Variants in CNTNAP2 observed in about 807,000 individuals in gnomAD.
The protein encoded by CNTNAP2 is contactin-associated protein-like 2.
A neutral mutation model predicts 155.2 loss-of-function variants in CNTNAP2; 98 were observed. The observed-to-expected ratio is 0.63, with a 90% CI of 0.54 to 0.75. The LOEUF is 0.75. Among genes scored for constraint, CNTNAP2 ranks in the 30% least tolerant of loss-of-function variants. The pLI is 0.00. For missense variants in CNTNAP2, 1,727 were observed against 1,688.1 expected (o/e 1.02, Z -0.40); for synonymous variants, 651 against 631.2 (o/e 1.03, Z -0.47).
intron 1 of CNTNAP2, among the ~76,000 whole-genome samples, chr7:146,663,176 G>C (rs148646087): frequency 1.3e-3 from 193 of 151,354 alleles, no homozygotes; most frequent in African/African-American, 4.3e-3. Flanking sequence ...TACTTGGGTG[G>C]CTGAGGCAGG....
At chr7:147,727,025 G>GTATA (rs148335807) in intron 13 of CNTNAP2, among the ~76,000 whole-genome samples, 10,990 of 149,892 alleles carry the variant, frequency 0.073, 1,284 homozygotes, top group African/African-American at 0.25. Context: ...GTATATGTGT[G>GTATA]TATATATATA....
At chr7:146,786,329 C>T (rs867936454) in intron 2 of CNTNAP2, among the ~76,000 whole-genome samples, 45 of 152,210 alleles carry the variant, frequency 3.0e-4, no homozygotes, top group Middle Eastern at 3.4e-3. Context: ...TGTTAGCAAC[C>T]GGCTCAGGTC....
chr7:147,324,178 C>G (rs1282823736), intron 9 of CNTNAP2, among the ~76,000 whole-genome samples: 1 of 152,084 alleles, frequency 6.6e-6, no homozygotes, highest in Non-Finnish European at 1.5e-5. Context: ...AGGTGAACAA[C>G]TAGATCACAA....
intron 14 of CNTNAP2, among the ~76,000 whole-genome samples, chr7:147,922,557 T>A (rs1800302358): frequency 6.6e-6 from 1 of 152,202 alleles, no homozygotes. Context: ...AAGCTTAGAT[T>A]TTTTTCTAGT....
Position 146,955,992 on chromosome 7 carries a change from CG to C in CNTNAP2, c.403-87914del, listed in dbSNP as rs539590314. On this transcript the variant is annotated intron_variant, in intron 3 of 23. Coordinates refer to ENST00000361727, the MANE Select transcript of CNTNAP2 (RefSeq NM_014141.6). The stretch of plus-strand genomic sequence containing the variant: ...TTTTTATCCTTTCTTATTATGTATA[CG>C]TTTTTTTTCATTAATAGTGTTCCCC... Among the ~76,000 whole-genome samples the C allele has an allele frequency of 1.9e-3, 285 of 151,904 alleles. 1 individual carries two copies. Among genetic ancestry groups the C allele is most frequent in the African/African-American group, 6.2e-3 (259 of 41,468 alleles).
intron 1 of CNTNAP2, among the ~76,000 whole-genome samples, chr7:146,177,394 A>C (rs1584788302): frequency 6.6e-6 from 1 of 152,304 alleles, no homozygotes; most frequent in Middle Eastern, 3.4e-3. Context: ...ACAACAGACT[A>C]TTATCAGCTT....
intron 1 of CNTNAP2, among the ~76,000 whole-genome samples, chr7:146,759,203 T>C (rs1003102107): frequency 6.6e-6 from 1 of 152,180 alleles, no homozygotes; most frequent in Admixed American, 6.5e-5. Flanking sequence ...TAGAAATCAA[T>C]GCAACATATT....
chr7:146,904,760 C>G (rs147783596), intron 3 of CNTNAP2, among the ~76,000 whole-genome samples: 1 of 152,154 alleles, frequency 6.6e-6, no homozygotes, highest in Non-Finnish European at 1.5e-5. Flanking sequence ...CGTGAGCCAC[C>G]GCGTCCGGCC....
intron 1 of CNTNAP2, among the ~76,000 whole-genome samples, chr7:146,428,747 A>G (rs1796130737): frequency 1.3e-5 from 2 of 151,846 alleles, no homozygotes; most frequent in South Asian, 4.1e-4. Flanking sequence ...GAAGCTCTTT[A>G]GCTTAATTAG....
chr7:146,434,909 C>T (rs919338244), intron 1 of CNTNAP2, among the ~76,000 whole-genome samples: 2 of 152,070 alleles, frequency 1.3e-5, no homozygotes, highest in African/African-American at 2.4e-5. Flanking sequence ...CATTCAGGGC[C>T]GCTCTGCAGG....
Position 146,571,952 on chromosome 7 carries a change from C to T in CNTNAP2, c.98-202319C>T, listed in dbSNP as rs1317678492. Among the ~76,000 whole-genome samples the T allele has an allele frequency of 2.0e-5, 3 of 152,162 alleles. No individual in the cohort carries two copies. In the East Asian group the frequency reaches 5.8e-4, roughly 29 times the overall value. On this transcript the variant is annotated intron_variant, in intron 1 of 23. Coordinates refer to ENST00000361727, the MANE Select transcript of CNTNAP2 (RefSeq NM_014141.6). ...TTCACCGTTTTGGCCATCCCGACCT[C>T]AGATGATCCCCCCACCTCGGCCTCC...
intron 13 of CNTNAP2, among the ~76,000 whole-genome samples, chr7:147,893,679 C>T (rs1799729040): frequency 6.6e-6 from 1 of 152,186 alleles, no homozygotes; most frequent in African/African-American, 2.4e-5. Flanking sequence ...CTTCCCTATA[C>T]TTACCTCCCA....
intron 13 of CNTNAP2, among the ~76,000 whole-genome samples, chr7:147,675,384 T>C (rs1295265680): frequency 1.3e-5 from 2 of 152,074 alleles, no homozygotes; most frequent in Non-Finnish European, 2.9e-5. Flanking sequence ...CTAAGGTATA[T>C]TAGTCAGGGT....
intron 12 of CNTNAP2, among the ~76,000 whole-genome samples, chr7:147,567,252 G>C (rs970842229): frequency 3.4e-4 from 52 of 152,288 alleles, no homozygotes; most frequent in Middle Eastern, 3.4e-3. Context: ...TGAGCTGAGT[G>C]TTGAAGAACA....
chr7:146,940,432 A>T (rs938536814), intron 3 of CNTNAP2, among the ~76,000 whole-genome samples: 3 of 152,026 alleles, frequency 2.0e-5, no homozygotes, highest in East Asian at 3.9e-4. Context: ...TGACCTCGTG[A>T]TCTGCCTGCC....
intron 10 of CNTNAP2, among the ~76,000 whole-genome samples, chr7:147,434,574 A>G (rs1473981912): frequency 6.6e-6 from 1 of 152,228 alleles, no homozygotes; most frequent in Non-Finnish European, 1.5e-5. Flanking sequence ...TTAATTGTAT[A>G]TGGACTTTAA....
chr7:147,663,242 C>T lies in CNTNAP2; in HGVS notation c.2098+23936C>T, dbSNP rs542207435. 6.1e-4 allele frequency among the ~76,000 whole-genome samples: 93 copies of T among 152,312 alleles called. 3 individuals are homozygous for T. The South Asian group carries it at 0.017, about 29-fold the overall frequency. On this transcript the variant is annotated intron_variant, in intron 13 of 23. Coordinates refer to ENST00000361727, the MANE Select transcript of CNTNAP2 (RefSeq NM_014141.6). Reference sequence around the variant, plus strand: ...CCAACCCTTGACCTCGTGATCCACCCGCCTTGGCCTCCCAACGTGCTGGGA... The same window carrying T: ...CCAACCCTTGACCTCGTGATCCACCTGCCTTGGCCTCCCAACGTGCTGGGA...
chr7:146,135,469 G>A (rs1170762863), intron 1 of CNTNAP2, among the ~76,000 whole-genome samples: 1 of 151,966 alleles, frequency 6.6e-6, no homozygotes, highest in Non-Finnish European at 1.5e-5. Context: ...TAGTCTCCTA[G>A]GCTTCTGAGT....
intron 3 of CNTNAP2, among the ~76,000 whole-genome samples, chr7:146,862,491 A>C (rs1795122897): frequency 2.0e-5 from 3 of 152,178 alleles, no homozygotes; most frequent in Non-Finnish European, 4.4e-5. Flanking sequence ...GCACAAAAAA[A>C]CAAAAAACAA....
Sources: allele counts gnomAD v4.1 joint callset (sites outside exome capture counted in the v4.1 genomes callset), GRCh38; gene constraint gnomAD v4.1.1; transcripts MANE v1.5; gene names NCBI Gene and HGNC (gene_info 2026-07-23, HGNC 2026-07-21).